SELE: variants seen among roughly 807,000 people sequenced by gnomAD.
SELE encodes the protein E-selectin.
Under a neutral mutation model 75.8 loss-of-function variants are expected in SELE, and 52 were observed. The observed-to-expected ratio is 0.69, with a 90% CI of 0.55 to 0.86. The LOEUF (loss-of-function observed/expected upper bound fraction) is 0.86, where lower values mean the gene tolerates loss of function less well. Ranked by LOEUF, SELE falls within the 40% of genes least tolerant of loss-of-function variation. The probability of loss-of-function intolerance (pLI) is 0.00; values close to 1 mark genes in which losing one functional copy is unlikely to be tolerated. For synonymous variants in SELE, 285 were observed against 258.7 expected, an observed-to-expected ratio of 1.10 and a Z score of -0.98; for missense variants, 754 against 732.7, an observed-to-expected ratio of 1.03 and a Z score of -0.34.
In SELE at chr1:169,727,420, G is replaced by T; in HGVS notation, c.1574C>A (p.Thr525Lys). 1 of 1,614,164 alleles carries T rather than the reference G, an allele frequency of 6.2e-7. No homozygotes were observed. The highest frequency in any genetic ancestry group is 8.5e-7 in the Non-Finnish European group (1 of 1,180,024). Residue 525 changes from threonine (T) to lysine (K), a missense_variant, in exon 10 of 14, where the codon ACG (threonine) becomes AAG (lysine). Thr to Lys is a moderately conservative substitution (Grantham distance 78). Coordinates refer to ENST00000333360, the MANE Select transcript of SELE (RefSeq NM_000450.2). ...VCKFACPEGW[T>K]LNGSAARTCG... Reference sequence around the variant, plus strand: ...TGTCCGAGCTGCAGAGCCATTGAGCGTCCATCCTTCAGGACAGGCGAACTT... The same window carrying T: ...TGTCCGAGCTGCAGAGCCATTGAGCTTCCATCCTTCAGGACAGGCGAACTT...
At position 169,729,334 on chromosome 1, in the gene SELE, A is replaced by G. The variant is rs1260796297; in HGVS notation, c.942T>C (p.Ser314=). 6.2e-7 allele frequency: 1 copy of G among 1,614,146 alleles called. No homozygotes were observed. Among genetic ancestry groups the G allele is most frequent in the South Asian group, 1.1e-5 (1 of 91,086 alleles). ...CAGCAGGGGAATGGCTGCACCTCAC[A>G]GAGCCATTCTGAGGCTGGCGGACGG... is the stretch of plus-strand genomic sequence containing the variant. ...CRAVRQPQNG[S]VRCSHSPAGE... The change falls in exon 7 of 14, where the codon TCT becomes TCC. Residue 314 remains serine, a synonymous_variant. Transcript: ENST00000333360.
At chr1:169,731,087 A>T (rs1648899990) in intron 4 of SELE, among the ~76,000 whole-genome samples, 1 of 152,182 alleles carries the variant, frequency 6.6e-6, no homozygotes, top group African/African-American at 2.4e-5. Flanking sequence ...TGTCTACTAT[A>T]GTAGCCACTA....
At chr1:169,727,315 ATCACCAG>A in intron 10 of SELE, 27 bp downstream of exon 10, 1 of 1,574,850 alleles carries the variant, frequency 6.3e-7, no homozygotes, top group Admixed American at 1.9e-5. Flanking sequence ...TTTCTTTTTA[ATCACCAG>A]ACAACCACCA....
intron 10 of SELE, 90 bp downstream of exon 10, chr1:169,727,259 T>G: frequency 7.1e-7 from 1 of 1,408,606 alleles, no homozygotes; most frequent in South Asian, 1.4e-5. Flanking sequence ...CTTTCTGGTT[T>G]GGATATAATG....
Position 169,727,828 on chromosome 1 carries a change from C to T in SELE, c.1379G>A (p.Ser460Asn). The change falls in exon 9 of 14, where the codon AGC (serine) becomes AAC (asparagine). Residue 460 changes from serine to asparagine, a missense_variant. Transcript: ENST00000333360. ...ATGTAATTCAAATCCCTCCTCACAG[C>T]TGAAGGCACAAGAGGACTTGTAGGT... ...EFTYKSSCAFSCEEGFELHGS... is the reference protein window; with the variant it reads ...EFTYKSSCAFNCEEGFELHGS... The T allele has an allele frequency of 1.2e-6, 2 of 1,614,154 alleles. No individual in the cohort carries two copies. The highest frequency in any genetic ancestry group is 1.7e-6 in the Non-Finnish European group (2 of 1,179,992).
chr1:169,731,180 C>A (rs1369066740), intron 4 of SELE, among the ~76,000 whole-genome samples: 1 of 152,196 alleles, frequency 6.6e-6, no homozygotes, highest in East Asian at 1.9e-4. Context: ...TCACCAGCCA[C>A]ATTTCAAGTA....
Position 169,733,009 on chromosome 1 carries a change from A to G in SELE, c.38-11T>C. The G allele has an allele frequency of 6.5e-7, 1 of 1,545,480 alleles. No homozygotes were observed. The highest frequency in any genetic ancestry group is 1.3e-5 in the South Asian group (1 of 79,718). On this transcript the variant is annotated splice_polypyrimidine_tract_variant and intron_variant, in intron 2 of 13. Coordinates refer to ENST00000333360, the MANE Select transcript of SELE (RefSeq NM_000450.2). Reference sequence around the variant, plus strand: ...CTTTAATGAGAAGCACTAGTGGGAGAAAAAGAAAAGAAATGGTAGAGTTTG... The same window carrying G: ...CTTTAATGAGAAGCACTAGTGGGAGGAAAAGAAAAGAAATGGTAGAGTTTG...
At position 169,723,933 on chromosome 1, in the gene SELE, T is replaced by G. The variant is rs893645019; in HGVS notation, c.*592A>C. 9.9e-5 allele frequency: 15 copies of G among 152,224 alleles called. No individual in the cohort carries two copies. Among genetic ancestry groups the G allele is most frequent in the Admixed American group, 9.8e-4 (15 of 15,278 alleles). 9.4% of individuals were successfully genotyped at this position (152,224 alleles called of 1,614,324 possible). On this transcript the variant is annotated 3_prime_UTR_variant, in exon 14 of 14. Transcript: ENST00000333360. ...TGAATCCCATAGGGATGAAAGTGAT[T>G]AAATTGTGCATAGTAACCCTCGCAC...
In SELE at chr1:169,725,781, G is replaced by A. The variant is rs777818795; in HGVS notation, c.1796C>T (p.Ser599Leu). 6.2e-7 allele frequency: 1 copy of A among 1,614,028 alleles called. No homozygotes were observed. The highest frequency in any genetic ancestry group is 2.2e-5 in the East Asian group (1 of 44,850). ...AGAAGGCTTTTGGTAGCTTCCATCT[G>A]ATTCAAGGCTTTGGCAGCTGCTGTG... Reference protein sequence around the residue: ...VPASSCQSLESDGSYQKPSYI... With the variant: ...VPASSCQSLELDGSYQKPSYI... The change falls in exon 13 of 14, where the codon TCA becomes TTA. Residue 599 changes from serine (S) to leucine (L), a missense_variant. Ser to Leu is a moderately radical substitution (Grantham distance 145). Coordinates refer to ENST00000333360, the MANE Select transcript of SELE (RefSeq NM_000450.2).
Position 169,725,719 on chromosome 1 carries a change from C to T in SELE, c.*15+10G>A. On this transcript the variant is annotated intron_variant, in intron 13 of 13. Transcript: ENST00000333360. ...CTCTCTCATAACCATTTGTGATTTA[C>T]AAGTCTTACCTGATTCTTTTGAACT... 2 of 1,608,128 alleles carry T rather than the reference C, an allele frequency of 1.2e-6. No homozygotes were observed. Among genetic ancestry groups the T allele is most frequent in the East Asian group, 2.2e-5 (1 of 44,796 alleles).
intron 13 of SELE, 112 bp from the exon 14 acceptor site, chr1:169,724,621 A>C (rs1648700917): frequency 1.3e-5 from 2 of 152,256 alleles, no homozygotes; most frequent in East Asian, 3.8e-4. Flanking sequence ...ACCATGTAGG[A>C]ACATCGAATT....
At position 169,732,975 on chromosome 1, in the gene SELE, C is replaced by A. The variant is rs3917407; in HGVS notation, c.61G>T (p.Ala21Ser). ...TCCGTGGAGGTGTTGTAAGACCAGG[C>A]TCCACTCTCTTTAATGAGAAGCACT... is the stretch of plus-strand genomic sequence containing the variant. ...TLVLLIKESG[A>S]WSYNTSTEAM... The change falls in exon 3 of 14, where the codon GCC becomes TCC. Residue 21 changes from alanine (A) to serine (S), a missense_variant. Physicochemically the swap from Ala to Ser is moderately conservative, Grantham distance 99. Coordinates refer to ENST00000333360, the MANE Select transcript of SELE (RefSeq NM_000450.2). 706 of 1,598,476 alleles carry A rather than the reference C, an allele frequency of 4.4e-4. 2 individuals carry two copies. The African/African-American group carries it at 7.4e-3, about 17-fold the overall frequency.
intron 4 of SELE, chr1:169,731,457 C>T (rs188380924): frequency 5.8e-6 from 1 of 173,022 alleles, no homozygotes; most frequent in East Asian, 1.7e-4. Flanking sequence ...ATTTCTACTG[C>T]AACGTCTTGT....
At chr1:169,726,540 T>G (rs1648778180) in intron 11 of SELE, among the ~76,000 whole-genome samples, 159 bp downstream of exon 11, 1 of 152,222 alleles carries the variant, frequency 6.6e-6, no homozygotes, top group Non-Finnish European at 1.5e-5. Flanking sequence ...CACACTGAGT[T>G]GTACTACTAA....
In SELE at chr1:169,733,678, A is replaced by G; in HGVS notation, c.-48-18T>C. On this transcript the variant is annotated intron_variant, in intron 1 of 13. Transcript: ENST00000333360. Reference sequence around the variant, plus strand: ...ATACTTTCCTGGGGAGATAAAACACAAAATGAATTAAAGAAGGAAATCGTG... The same window carrying G: ...ATACTTTCCTGGGGAGATAAAACACGAAATGAATTAAAGAAGGAAATCGTG... The G allele has an allele frequency of 6.8e-7, 1 of 1,469,206 alleles. No individual in the cohort carries two copies. Among genetic ancestry groups the G allele is most frequent in the Admixed American group, 1.7e-5 (1 of 59,728 alleles). The allele number at this position is 1,469,206 out of a possible 1,614,324, so 91.0% of individuals were successfully genotyped here.
intron 2 of SELE, among the ~76,000 whole-genome samples, chr1:169,733,199 C>T (rs1385579117): frequency 6.6e-6 from 1 of 152,172 alleles, no homozygotes; most frequent in Non-Finnish European, 1.5e-5. Flanking sequence ...CCACTAGGTA[C>T]CTTATCCACA....
In SELE at chr1:169,723,868, G is replaced by A. The variant is rs1364379378; in HGVS notation, c.*657C>T. The stretch of plus-strand genomic sequence containing the variant: ...GAAGATTATAATATATTCAATGCAA[G>A]TAAAAATATCACAATCCTTAAGAAC... On this transcript the variant is annotated 3_prime_UTR_variant, in exon 14 of 14. Coordinates refer to ENST00000333360, the MANE Select transcript of SELE (RefSeq NM_000450.2). The A allele has an allele frequency of 6.6e-6, 1 of 152,158 alleles. No individual in the cohort carries two copies. Among genetic ancestry groups the A allele is most frequent in the Non-Finnish European group, 1.5e-5 (1 of 68,032 alleles). 9.4% of individuals were successfully genotyped at this position (152,158 alleles called of 1,614,324 possible).
Position 169,729,290 on chromosome 1 carries a change from G to A in SELE, c.986C>T (p.Ser329Leu), listed in dbSNP as rs1443426537. Residue 329 changes from serine to leucine, a missense_variant, in exon 7 of 14, where the codon TCA (serine) becomes TTA (leucine). Ser to Leu is a moderately radical substitution (Grantham distance 145). Transcript: ENST00000333360. ...TTCCTCACAGGTGAAGTTGCAGGAT[G>A]ATTTGAAGGTGAACTCTCCAGCAGG... ...HSPAGEFTFK[S>L]SCNFTCEEGF... The A allele has an allele frequency of 8.1e-6, 13 of 1,614,126 alleles. No homozygotes were observed. Among genetic ancestry groups the A allele is most frequent in the Non-Finnish European group, 1.1e-5 (13 of 1,180,012 alleles).
chr1:169,725,228 C>T (rs1648711781), intron 13 of SELE, among the ~76,000 whole-genome samples: 1 of 151,792 alleles, frequency 6.6e-6, no homozygotes. Flanking sequence ...ACTAAAAATA[C>T]AAAAATTAGC....
Sources: gnomAD v4.1 joint callset for allele counts (sites outside exome capture counted in the v4.1 genomes callset) on GRCh38, gnomAD v4.1.1 for gene constraint, MANE v1.5 for transcripts, NCBI Gene and HGNC (gene_info 2026-07-23, HGNC 2026-07-21) for gene names.